Variants in DLGAP1 observed in about 807,000 individuals in gnomAD.
DLGAP1 encodes disks large-associated protein 1.
DLGAP1 carries 11 observed loss-of-function variants against 90.8 expected under a neutral mutation model. The observed-to-expected ratio is 0.12, with a 90% CI of 0.08 to 0.20. DLGAP1 has a LOEUF of 0.20. Among genes scored for constraint, DLGAP1 ranks in the 10% least tolerant of loss-of-function variants. The pLI, the probability that DLGAP1 is intolerant of heterozygous loss-of-function variation, is 1.00. For synonymous variants in DLGAP1, 558 were observed against 540.7 expected (o/e 1.03, Z -0.44); for missense variants, 1,050 against 1,333.8 (o/e 0.79, Z 3.31).
At chr18:3,579,991 C>T (rs867866200) in intron 8 of DLGAP1, among the ~76,000 whole-genome samples, 5 of 152,084 alleles carry the variant, frequency 3.3e-5, no homozygotes, top group African/African-American at 1.2e-4. Context: ...TCGATGACCC[C>T]GGCTATTCCT....
chr18:3,937,501 C>T (rs1004207912), intron 3 of DLGAP1, among the ~76,000 whole-genome samples: 9 of 152,114 alleles, frequency 5.9e-5, no homozygotes, highest in Non-Finnish European at 1.0e-4. Flanking sequence ...CACGTGACCC[C>T]GCCCTTGATA....
intron 7 of DLGAP1, among the ~76,000 whole-genome samples, chr18:3,634,254 A>G (rs1206686538): frequency 6.6e-6 from 1 of 152,072 alleles, no homozygotes; most frequent in Admixed American, 6.6e-5. Flanking sequence ...TTTTGCATAT[A>G]TTAAAGAAAA....
chr18:3,690,036 C>T (rs116004201), intron 7 of DLGAP1, among the ~76,000 whole-genome samples: 2,324 of 149,598 alleles, frequency 0.016, 62 homozygotes, highest in African/African-American at 0.055. Context: ...AATTCCTAAG[C>T]ATTGTTGAGA....
intron 1 of DLGAP1, chr18:4,293,575 T>A (rs2079901882): frequency 6.6e-6 from 1 of 152,220 alleles, no homozygotes; most frequent in Admixed American, 6.5e-5. Flanking sequence ...ATGTCCTTAC[T>A]AAGTTTCATT....
At chr18:4,220,486 C>A (rs1025851783) in intron 1 of DLGAP1, among the ~76,000 whole-genome samples, 1 of 152,142 alleles carries the variant, frequency 6.6e-6, no homozygotes, top group African/African-American at 2.4e-5. Flanking sequence ...TGGATGGCGA[C>A]ACTGTAAATT....
At chr18:3,655,433 T>G (rs938837164) in intron 7 of DLGAP1, 2 of 152,242 alleles carry the variant, frequency 1.3e-5, no homozygotes, top group African/African-American at 4.8e-5. Context: ...CAAAACACTT[T>G]GCTTGGACGT....
chr18:4,343,033 C>T (rs1444889635), intron 1 of DLGAP1, among the ~76,000 whole-genome samples: 10 of 152,006 alleles, frequency 6.6e-5, no homozygotes, highest in East Asian at 3.9e-4. Context: ...TGGGGCCGGG[C>T]GCGGTGGCTC....
At chr18:3,950,825 T>C (rs919579783) in intron 3 of DLGAP1, among the ~76,000 whole-genome samples, 1 of 152,196 alleles carries the variant, frequency 6.6e-6, no homozygotes, top group African/African-American at 2.4e-5. Flanking sequence ...ATTCTAATTG[T>C]AGTGTTACAA....
intron 2 of DLGAP1, among the ~76,000 whole-genome samples, chr18:4,030,550 C>T (rs1568360588): frequency 6.9e-6 from 1 of 144,262 alleles, no homozygotes; most frequent in African/African-American, 2.5e-5. Flanking sequence ...GGATTGAGGC[C>T]TCTTGTTTTG....
intron 1 of DLGAP1, among the ~76,000 whole-genome samples, chr18:4,297,082 A>G (rs536935444): frequency 4.6e-5 from 7 of 152,312 alleles, no homozygotes; most frequent in African/African-American, 1.7e-4. Flanking sequence ...ATAATTTTTG[A>G]ACACCCTTTT....
Position 3,540,935 on chromosome 18 carries a change from A to G in DLGAP1, c.2058-6320T>C, listed in dbSNP as rs534662519. ...CCCAGCATGCTGCCAGCCTCTTTTT[A>G]GCACCAGCTGGGCAGGTGCTAATAC... On this transcript the variant is annotated intron_variant, in intron 9 of 12. Coordinates refer to ENST00000315677, the MANE Select transcript of DLGAP1 (RefSeq NM_004746.4). Among the ~76,000 whole-genome samples, 21 of 152,270 alleles carry G rather than the reference A, an allele frequency of 1.4e-4. 1 individual carries two copies. The highest frequency in any genetic ancestry group is 5.1e-4 in the African/African-American group (21 of 41,562).
At chr18:4,276,252 C>G (rs1467841660) in intron 1 of DLGAP1, among the ~76,000 whole-genome samples, 1 of 150,982 alleles carries the variant, frequency 6.6e-6, no homozygotes, top group Non-Finnish European at 1.5e-5. Flanking sequence ...GATGAGCTGA[C>G]TTTGACTTTG....
intron 1 of DLGAP1, among the ~76,000 whole-genome samples, chr18:4,413,469 T>C (rs2082826296): frequency 6.6e-6 from 1 of 152,198 alleles, no homozygotes; most frequent in South Asian, 2.1e-4. Flanking sequence ...CTGGGGCAAC[T>C]ACATCTCCAT....
intron 2 of DLGAP1, among the ~76,000 whole-genome samples, chr18:4,147,410 C>T (rs2076602543): frequency 6.6e-6 from 1 of 152,126 alleles, no homozygotes; most frequent in Admixed American, 6.6e-5. Flanking sequence ...GTTATTTCAT[C>T]TAATAAAAGG....
chr18:3,785,787 G>A (rs1223067912), intron 5 of DLGAP1, among the ~76,000 whole-genome samples: 1 of 152,182 alleles, frequency 6.6e-6, no homozygotes, highest in Non-Finnish European at 1.5e-5. Context: ...AGGTGGATAA[G>A]AGAATACCGA....
At chr18:3,550,916 A>C (rs1308113902) in intron 9 of DLGAP1, among the ~76,000 whole-genome samples, 2 of 151,326 alleles carry the variant, frequency 1.3e-5, no homozygotes, top group African/African-American at 4.9e-5. Flanking sequence ...TAATTTTTGT[A>C]TTTTTAGTAG....
chr18:3,960,001 T>C (rs548166357), intron 3 of DLGAP1, among the ~76,000 whole-genome samples: 15 of 152,288 alleles, frequency 9.8e-5, no homozygotes, highest in Admixed American at 1.3e-4. Flanking sequence ...CATTGGAAAG[T>C]GAGGTCTAGC....
chr18:3,873,757 C>T (rs2070893978), intron 4 of DLGAP1, among the ~76,000 whole-genome samples: 1 of 151,880 alleles, frequency 6.6e-6, no homozygotes, highest in Non-Finnish European at 1.5e-5. Context: ...TTAAGCAGAC[C>T]CCCACCCCCA....
intron 1 of DLGAP1, among the ~76,000 whole-genome samples, chr18:4,267,997 C>T (rs1228503743): frequency 2.6e-5 from 4 of 152,270 alleles, no homozygotes; most frequent in Non-Finnish European, 1.5e-5. Context: ...ACTGAAATTC[C>T]GGACAAGATC....
Sources: allele counts gnomAD v4.1 joint callset (sites outside exome capture counted in the v4.1 genomes callset), GRCh38; gene constraint gnomAD v4.1.1; transcripts MANE v1.5; gene names NCBI Gene and HGNC (gene_info 2026-07-23, HGNC 2026-07-21).